Variants in VCF2 observed in about 807,000 individuals in gnomAD.
VCF2 encodes VCP nuclear cofactor family member 2.
chrX:55,158,797 C>G, the VCF2 span, among the ~76,000 whole-genome samples: 1 of 111,765 alleles, frequency 8.9e-6, no homozygotes. Context: ...TGCCTTCCAG[C>G]TAATAACATA....
chrX:55,151,291 T>A, the VCF2 span, among the ~76,000 whole-genome samples: 1 of 112,246 alleles, frequency 8.9e-6, no homozygotes, highest in Non-Finnish European at 1.9e-5. Context: ...GCCAATAAAA[T>A]CCCCTTGAGA....
At chrX:55,146,357 A>C in the VCF2 span, 4 of 1,116,487 alleles carry the variant, frequency 3.6e-6, no homozygotes, top group African/African-American at 1.8e-5. Context: ...TGCTATTACA[A>C]CATTTTTCCT....
chrX:55,161,154 C>T, the VCF2 span: 14 of 1,207,479 alleles, frequency 1.2e-5, no homozygotes, highest in African/African-American at 1.0e-4. Flanking sequence ...GGCAGCCTCC[C>T]ATAGTCCTGC....
chrX:55,158,387 G>A, the VCF2 span, among the ~76,000 whole-genome samples: 1 of 111,854 alleles, frequency 8.9e-6, no homozygotes, highest in African/African-American at 3.2e-5. Context: ...GGTTACTAGA[G>A]GTTTAGAAGA....
At chrX:55,149,911 A>G in the VCF2 span, among the ~76,000 whole-genome samples, 2 of 111,910 alleles carry the variant, frequency 1.8e-5, no homozygotes, top group Admixed American at 1.9e-4. Context: ...CTTTCTTTGA[A>G]ATCTATCACT....
At chrX:55,153,171 A>G in the VCF2 span, among the ~76,000 whole-genome samples, 4 of 111,655 alleles carry the variant, frequency 3.6e-5, no homozygotes, top group Admixed American at 9.4e-5. Context: ...CCTTGAGCAC[A>G]TGTTGTCAGG....
chrX:55,161,107 T>C, the VCF2 span: 3 of 1,207,143 alleles, frequency 2.5e-6, no homozygotes, highest in Non-Finnish European at 2.2e-6. Flanking sequence ...CTCGGACTGG[T>C]ACCGGCCGGA....
the VCF2 span, among the ~76,000 whole-genome samples, chrX:55,153,274 T>C: frequency 2.7e-5 from 3 of 112,491 alleles, no homozygotes; most frequent in African/African-American, 9.7e-5. Context: ...AGTTCACATA[T>C]ACAGAGTTGG....
the VCF2 span, among the ~76,000 whole-genome samples, chrX:55,152,828 C>T: frequency 8.9e-6 from 1 of 111,769 alleles, no homozygotes. Context: ...GAATTTTACC[C>T]TGGCAATGTA....
At chrX:55,155,476 T>A in the VCF2 span, among the ~76,000 whole-genome samples, 1 of 111,760 alleles carries the variant, frequency 8.9e-6, no homozygotes, top group East Asian at 2.8e-4. Flanking sequence ...ATTGAGGAAA[T>A]GACAGAGACA....
the VCF2 span, among the ~76,000 whole-genome samples, chrX:55,156,232 G>A: frequency 2.7e-5 from 3 of 111,662 alleles, no homozygotes; most frequent in Non-Finnish European, 5.7e-5. Flanking sequence ...GATTACAGGC[G>A]TGAGCCACTG....
At chrX:55,147,716 A>G in the VCF2 span, among the ~76,000 whole-genome samples, 1 of 103,399 alleles carries the variant, frequency 9.7e-6, no homozygotes, top group Non-Finnish European at 2.0e-5. Flanking sequence ...TGATGAATCA[A>G]ATTTTCTTCT....
At chrX:55,160,896 G>A in the VCF2 span, 1 of 1,159,104 alleles carries the variant, frequency 8.6e-7, no homozygotes, top group Non-Finnish European at 1.1e-6. Flanking sequence ...TTTCGGAGAA[G>A]GCTTCGCGGG....
At chrX:55,149,130 C>T in the VCF2 span, among the ~76,000 whole-genome samples, 2 of 109,994 alleles carry the variant, frequency 1.8e-5, no homozygotes, top group South Asian at 7.5e-4. Context: ...TTGCAGCTTA[C>T]CTAAATGGAC....
At chrX:55,148,495 G>GT in the VCF2 span, among the ~76,000 whole-genome samples, 1 of 109,831 alleles carries the variant, frequency 9.1e-6, no homozygotes, top group African/African-American at 3.3e-5. Context: ...ATATAAAGGG[G>GT]TATTTTTGGC....
the VCF2 span, chrX:55,146,259 C>G: frequency 8.3e-7 from 1 of 1,211,584 alleles, no homozygotes; most frequent in Non-Finnish European, 1.1e-6. Flanking sequence ...TCCACTTGCT[C>G]TCTCTGGGAT....
the VCF2 span, among the ~76,000 whole-genome samples, chrX:55,159,886 G>GT: frequency 8.9e-6 from 1 of 112,156 alleles, no homozygotes; most frequent in East Asian, 2.8e-4. Context: ...AGATTGCAGC[G>GT]TTTGACATAG....
At chrX:55,150,470 G>A in the VCF2 span, among the ~76,000 whole-genome samples, 1 of 111,621 alleles carries the variant, frequency 9.0e-6, no homozygotes, top group Non-Finnish European at 1.9e-5. Context: ...CAGAGCTCAG[G>A]CAGTATTTCT....
the VCF2 span, among the ~76,000 whole-genome samples, chrX:55,157,931 G>C: frequency 2.7e-5 from 3 of 112,579 alleles, no homozygotes; most frequent in Non-Finnish European, 5.6e-5. Flanking sequence ...TGTACTTTCT[G>C]TAAGTCTTAT....
Sources: allele counts gnomAD v4.1 joint callset (sites outside exome capture counted in the v4.1 genomes callset), GRCh38; gene constraint gnomAD v4.1.1; transcripts MANE v1.5; gene names NCBI Gene and HGNC (gene_info 2026-07-23, HGNC 2026-07-21).